Variants in TENM4 observed in about 807,000 individuals in gnomAD.
TENM4 encodes teneurin transmembrane protein 4, also known as teneurin-4.
In TENM4, 82 loss-of-function variants were observed where a neutral mutation model predicts 243.3. The observed-to-expected ratio is 0.34, with a 90% CI of 0.28 to 0.40. The LOEUF is 0.40. Among genes scored for constraint, TENM4 ranks in the 10% least tolerant of loss-of-function variants. TENM4 has a pLI of 1.00. For synonymous variants in TENM4, 1,412 were observed against 1,456.3 expected (o/e 0.97, Z 0.69); for missense variants, 3,138 against 3,673.3 (o/e 0.85, Z 3.77).
rs971259262 is a variant in TENM4, at chr11:79,088,788, T to G, written c.-65-18779A>C. ...GTTTATTCAGTCATCACTGAACAAA[T>G]ATGTACTAGAAACCTACTATAGGCC... On this transcript the variant is annotated intron_variant, in intron 4 of 33. Transcript: ENST00000278550. Among the ~76,000 whole-genome samples, 3 of 152,200 alleles carry G rather than the reference T, an allele frequency of 2.0e-5. No homozygotes were observed. In the East Asian group the frequency reaches 5.8e-4, roughly 29 times the overall value.
intron 6 of TENM4, among the ~76,000 whole-genome samples, chr11:78,997,020 G>A (rs946414749): frequency 6.6e-6 from 1 of 152,146 alleles, no homozygotes; most frequent in Admixed American, 6.5e-5. Flanking sequence ...CTTCAAGTAA[G>A]CTGTAGGTCC....
chr11:78,952,121 C>T (rs1857119751), intron 6 of TENM4, among the ~76,000 whole-genome samples: 1 of 152,156 alleles, frequency 6.6e-6, no homozygotes, highest in South Asian at 2.1e-4. Context: ...CTCCATGGAC[C>T]CTGGCACACA....
chr11:79,170,924 G>A (rs1283020232), intron 3 of TENM4, among the ~76,000 whole-genome samples: 2 of 152,156 alleles, frequency 1.3e-5, no homozygotes, highest in African/African-American at 4.8e-5. Context: ...ACTAGGGAAA[G>A]GGATCATAAG....
intron 3 of TENM4, among the ~76,000 whole-genome samples, chr11:79,157,459 C>T (rs1470278873): frequency 2.0e-5 from 3 of 152,106 alleles, no homozygotes; most frequent in East Asian, 1.9e-4. Context: ...GAATGTGTGC[C>T]GAGTCCCTAC....
At chr11:79,401,969 G>A (rs1858471387) in intron 1 of TENM4, 2 of 345,532 alleles carry the variant, frequency 5.8e-6, no homozygotes, top group Non-Finnish European at 1.3e-5. Flanking sequence ...GGGGATGGAT[G>A]AGATCCCTCA....
intron 2 of TENM4, among the ~76,000 whole-genome samples, chr11:79,245,959 A>G (rs1321434376): frequency 1.1e-4 from 17 of 150,574 alleles, no homozygotes; most frequent in Middle Eastern, 3.4e-3. Context: ...AAAAAAAAAA[A>G]AAAGAAAAGA....
chr11:79,276,062 GA>G (rs1241625453), intron 2 of TENM4, among the ~76,000 whole-genome samples: 1 of 152,202 alleles, frequency 6.6e-6, no homozygotes, highest in Admixed American at 6.5e-5. Flanking sequence ...AGAGACCCTG[GA>G]GGGCATCTCA....
intron 3 of TENM4, among the ~76,000 whole-genome samples, chr11:79,213,944 C>A (rs575557502): frequency 6.6e-6 from 1 of 152,070 alleles, no homozygotes; most frequent in African/African-American, 2.4e-5. Flanking sequence ...CACAGTGCCT[C>A]AGTAAATGTG....
At chr11:79,089,665 C>A (rs115981082) in intron 4 of TENM4, among the ~76,000 whole-genome samples, 1,725 of 152,168 alleles carry the variant, frequency 0.011, 35 homozygotes, top group African/African-American at 0.04. Context: ...ATGTTTGGCC[C>A]ACAGACTAGT....
At chr11:79,091,902 A>T (rs1046083363) in intron 4 of TENM4, among the ~76,000 whole-genome samples, 1 of 152,076 alleles carries the variant, frequency 6.6e-6, no homozygotes, top group Non-Finnish European at 1.5e-5. Context: ...CATGGCTGCC[A>T]GCTGTAATTC....
chr11:78,991,239 T>C (rs1677738529), intron 6 of TENM4, among the ~76,000 whole-genome samples: 1 of 152,162 alleles, frequency 6.6e-6, no homozygotes, highest in African/African-American at 2.4e-5. Flanking sequence ...TGGTAGAATA[T>C]TTAAAATAAA....
At chr11:79,209,049 G>T (rs11821157) in intron 3 of TENM4, among the ~76,000 whole-genome samples, 3,869 of 152,240 alleles carry the variant, frequency 0.025, 176 homozygotes, top group African/African-American at 0.087. Context: ...AACAGGAAGC[G>T]AGCCCAATGT....
chr11:79,046,614 G>A (rs993863226), intron 6 of TENM4, among the ~76,000 whole-genome samples: 2 of 152,204 alleles, frequency 1.3e-5, no homozygotes, highest in African/African-American at 4.8e-5. Context: ...CAGCAGCCAT[G>A]TGAAGGCAGC....
intron 33 of TENM4, among the ~76,000 whole-genome samples, chr11:78,659,410 A>G (rs988888146): frequency 2.6e-5 from 4 of 152,172 alleles, no homozygotes; most frequent in Admixed American, 6.5e-5. Flanking sequence ...GGTCTGTCCA[A>G]TTCTAGAGGT....
At chr11:78,820,503 G>C (rs1241852862) in intron 12 of TENM4, among the ~76,000 whole-genome samples, 4 of 152,194 alleles carry the variant, frequency 2.6e-5, no homozygotes, top group African/African-American at 9.7e-5. Flanking sequence ...ACACCTCAGA[G>C]AGTTATTTTG....
intron 12 of TENM4, among the ~76,000 whole-genome samples, chr11:78,840,130 G>C (rs971157730): frequency 1.2e-4 from 18 of 152,204 alleles, no homozygotes; most frequent in African/African-American, 3.9e-4. Flanking sequence ...AAAAGAAAGA[G>C]ATAATGGTAG....
intron 1 of TENM4, among the ~76,000 whole-genome samples, chr11:79,385,322 C>T (rs1858089507): frequency 6.6e-6 from 1 of 152,206 alleles, no homozygotes; most frequent in African/African-American, 2.4e-5. Context: ...AATCTAAGTT[C>T]ACTGTCAACA....
At chr11:78,755,108 C>T (rs1856276548) in intron 19 of TENM4, among the ~76,000 whole-genome samples, 1 of 152,154 alleles carries the variant, frequency 6.6e-6, no homozygotes, top group Non-Finnish European at 1.5e-5. Context: ...CAGGGAGGCT[C>T]CCCATGGCTT....
At chr11:79,274,713 A>G (rs923224792) in intron 2 of TENM4, among the ~76,000 whole-genome samples, 8 of 152,162 alleles carry the variant, frequency 5.3e-5, no homozygotes, top group Non-Finnish European at 1.0e-4. Context: ...TGGGGGGGAA[A>G]AAGGCTTAAA....
Sources: gnomAD v4.1 joint callset for allele counts (sites outside exome capture counted in the v4.1 genomes callset) on GRCh38, gnomAD v4.1.1 for gene constraint, MANE v1.5 for transcripts, NCBI Gene and HGNC (gene_info 2026-07-23, HGNC 2026-07-21) for gene names.